Variants in CCSER2 observed in about 807,000 individuals in gnomAD.
CCSER2 encodes the protein coiled-coil serine rich protein 2, also known as serine-rich coiled-coil domain-containing protein 2.
CCSER2 carries 46 observed loss-of-function variants against 92.3 expected under a neutral mutation model. The observed-to-expected ratio is 0.50, with a 90% confidence interval of 0.39 to 0.64. The LOEUF is 0.64. CCSER2 is among the 30% of genes least tolerant of loss of function. The pLI, the probability that CCSER2 is intolerant of heterozygous loss-of-function variation, is 0.00. For synonymous variants in CCSER2, 433 were observed against 431.4 expected (o/e 1.00, Z -0.04); for missense variants, 1,244 against 1,238.9 (o/e 1.00, Z -0.06).
chr10:84,387,823 C>T (rs1025875667), intron 3 of CCSER2, among the ~76,000 whole-genome samples: 6 of 151,582 alleles, frequency 4.0e-5, no homozygotes, highest in East Asian at 2.0e-4. Flanking sequence ...CCACCGCGCC[C>T]GGCCACACTG....
chr10:84,505,617 A>C (rs1234566323), intron 9 of CCSER2, among the ~76,000 whole-genome samples: 1 of 152,150 alleles, frequency 6.6e-6, no homozygotes, highest in South Asian at 2.1e-4. Flanking sequence ...TACTAATTCA[A>C]TTTCGTGTAT....
intron 1 of CCSER2, among the ~76,000 whole-genome samples, chr10:84,343,047 A>G (rs899701821): frequency 2.0e-5 from 3 of 151,976 alleles, no homozygotes; most frequent in Admixed American, 1.3e-4. Context: ...TTATTTTTGT[A>G]TTTTTAGTAG....
chr10:84,349,404 G>C (rs1844737397), intron 1 of CCSER2, among the ~76,000 whole-genome samples: 1 of 152,136 alleles, frequency 6.6e-6, no homozygotes. Context: ...TGGGTGCAGT[G>C]GTTCACGCCT....
chr10:84,371,267 A>T lies in CCSER2; in HGVS notation c.215A>T (p.Tyr72Phe). Residue 72 changes from tyrosine (Y) to phenylalanine (F), a missense_variant, in exon 2 of 10, where the codon TAT becomes TTT. Physicochemically the swap from Tyr to Phe is conservative, Grantham distance 22. Coordinates refer to ENST00000372088, the MANE Select transcript of CCSER2 (RefSeq NM_001284240.2). The stretch of plus-strand genomic sequence containing the variant: ...TTTAATTGGAGGAAAGCAAATAAAT[A>T]TCAGCTTTGTGCACAAGGTGTCGAA... ...HSFNWRKANK[Y>F]QLCAQGVEEP... is the part of the protein sequence containing the mutation. The T allele has an allele frequency of 6.2e-7, 1 of 1,613,308 alleles. No individual in the cohort carries two copies. The highest frequency in any genetic ancestry group is 8.5e-7 in the Non-Finnish European group (1 of 1,179,544).
intron 5 of CCSER2, among the ~76,000 whole-genome samples, chr10:84,427,269 T>TC (rs977503828): frequency 1.3e-5 from 2 of 152,166 alleles, no homozygotes; most frequent in African/African-American, 2.4e-5. Context: ...TATAGATTGA[T>TC]CCGTTTATTG....
chr10:84,390,907 C>CT, intron 3 of CCSER2: 1 of 730,436 alleles, frequency 1.4e-6, no homozygotes, highest in South Asian at 1.4e-5. Context: ...GTTTTGCTGC[C>CT]TAGAAGAGGA....
At chr10:84,363,211 C>T (rs1013766055) in intron 1 of CCSER2, among the ~76,000 whole-genome samples, 2 of 143,956 alleles carry the variant, frequency 1.4e-5, no homozygotes, top group African/African-American at 5.3e-5. Context: ...CCAGACTGGT[C>T]TCAAACTCCT....
At chr10:84,454,381 A>G (rs7907315) in intron 6 of CCSER2, among the ~76,000 whole-genome samples, 54,278 of 152,112 alleles carry the variant, frequency 0.36, 11,597 homozygotes, top group East Asian at 0.5. Flanking sequence ...GTAATGTCAT[A>G]TTCACAGGTT....
At chr10:84,379,766 CTTT>C (rs1269762259) in intron 3 of CCSER2, among the ~76,000 whole-genome samples, 2 of 151,940 alleles carry the variant, frequency 1.3e-5, no homozygotes, top group Non-Finnish European at 1.5e-5. Context: ...CTACAGGTTT[CTTT>C]TTTAACTCAA....
At chr10:84,358,947 G>A (rs1845351191) in intron 1 of CCSER2, among the ~76,000 whole-genome samples, 1 of 152,068 alleles carries the variant, frequency 6.6e-6, no homozygotes, top group Non-Finnish European at 1.5e-5. Context: ...CTTATGAGTT[G>A]AAAGTAGAGG....
At chr10:84,476,435 CTTTTTTTTTTTTTT>C (rs35978182) in intron 8 of CCSER2, among the ~76,000 whole-genome samples, 22 of 58,534 alleles carry the variant, frequency 3.8e-4, no homozygotes, top group South Asian at 2.6e-3. Flanking sequence ...AATTCTCTCT[CTTTTTTTTTTTTTT>C]TTTTTTTTTT....
In CCSER2 at chr10:84,513,435, T is replaced by C. The variant is rs1232725811; in HGVS notation, c.2326-14T>C. ...CTAAGAACTTGCTGCTAATGTTGTT[T>C]TTAATTTTAACAGCCTCAAGTACTA... is the stretch of plus-strand genomic sequence containing the variant. On this transcript the variant is annotated splice_polypyrimidine_tract_variant and intron_variant, in intron 9 of 9. Coordinates refer to ENST00000372088, the MANE Select transcript of CCSER2 (RefSeq NM_001284240.2). 1 of 1,561,606 alleles carries C rather than the reference T, an allele frequency of 6.4e-7. No homozygotes were observed. Among genetic ancestry groups the C allele is most frequent in the South Asian group, 1.2e-5 (1 of 84,036 alleles).
intron 8 of CCSER2, among the ~76,000 whole-genome samples, chr10:84,475,205 A>G (rs765135786): frequency 6.6e-6 from 1 of 152,028 alleles, no homozygotes; most frequent in Non-Finnish European, 1.5e-5. Flanking sequence ...AATGGGATTA[A>G]TCACATTGGT....
chr10:84,362,089 A>G (rs1179590808), intron 1 of CCSER2, among the ~76,000 whole-genome samples: 1 of 152,170 alleles, frequency 6.6e-6, no homozygotes, highest in Non-Finnish European at 1.5e-5. Context: ...ATGTGCCATT[A>G]GTGAATTTAT....
At chr10:84,366,476 A>G (rs1257778321) in intron 1 of CCSER2, among the ~76,000 whole-genome samples, 1 of 152,176 alleles carries the variant, frequency 6.6e-6, no homozygotes, top group Non-Finnish European at 1.5e-5. Flanking sequence ...CTGTGGGTCA[A>G]ATAGACATGC....
chr10:84,481,285 A>G (rs996295577), intron 9 of CCSER2, among the ~76,000 whole-genome samples: 2 of 152,114 alleles, frequency 1.3e-5, no homozygotes, highest in Non-Finnish European at 2.9e-5. Flanking sequence ...TTACCTTACA[A>G]ATTCTTTCTT....
chr10:84,371,912 G>C lies in CCSER2; in HGVS notation c.860G>C (p.Gly287Ala), dbSNP rs1846081455. ...GTACTCAATGGGAATGAACATTTGG[G>C]GTATGGATTTAATAGGCCTTATGCT... ...PEVLNGNEHL[G>A]YGFNRPYAAG... The change falls in exon 2 of 10, where the codon GGG becomes GCG. Residue 287 changes from glycine (G) to alanine (A), a missense_variant. Transcript: ENST00000372088. The C allele has an allele frequency of 1.2e-6, 2 of 1,613,802 alleles. No individual in the cohort carries two copies. The highest frequency in any genetic ancestry group is 1.7e-6 in the Non-Finnish European group (2 of 1,179,840).
rs1848758106 is a variant in CCSER2, at chr10:84,501,836, T to TATATATATATATATATATATATACTC, written c.2326-11598_2326-11573dup. On this transcript the variant is annotated intron_variant, in intron 9 of 9. Transcript: ENST00000372088. The stretch of plus-strand genomic sequence containing the variant: ...AGTCATCTAGGGAAAAAAAAAAAAA[T>TATATATATATATATATATATATACTC]ATATATATATATATATATATATACT... Among the ~76,000 whole-genome samples, 17 of 37,786 alleles carry TATATATATATATATATATATATACTC rather than the reference T, an allele frequency of 4.5e-4. 1 individual carries two copies. Among genetic ancestry groups the TATATATATATATATATATATATACTC allele is most frequent in the Non-Finnish European group, 9.4e-4 (14 of 14,914 alleles). The allele number at this position is 37,786 out of a possible 152,430, so 24.8% of individuals were successfully genotyped here.
chr10:84,467,392 A>G (rs56323735), intron 7 of CCSER2, among the ~76,000 whole-genome samples: 19,274 of 152,182 alleles, frequency 0.13, 1,495 homozygotes, highest in Admixed American at 0.23. Flanking sequence ...TGCCCACTGG[A>G]CACACTTCTA....
Sources: gnomAD v4.1 joint callset for allele counts (sites outside exome capture counted in the v4.1 genomes callset) on GRCh38, gnomAD v4.1.1 for gene constraint, MANE v1.5 for transcripts, NCBI Gene and HGNC (gene_info 2026-07-23, HGNC 2026-07-21) for gene names.